Variants in SYNE2 observed in about 807,000 individuals in gnomAD.
The protein encoded by SYNE2 is nesprin-2.
A neutral mutation model predicts 856.3 loss-of-function variants in SYNE2; 431 were observed. The ratio of observed to expected loss-of-function variants is 0.50; its 90% CI spans 0.47 to 0.55. The LOEUF is 0.55. Ranked by LOEUF, SYNE2 falls within the 20% of genes least tolerant of loss-of-function variation. SYNE2 has a pLI of 0.00. For synonymous variants in SYNE2, 2,923 were observed against 2,872.3 expected, an observed-to-expected ratio of 1.02 and a Z score of -0.56; for missense variants, 8,129 against 8,023.2, an observed-to-expected ratio of 1.01 and a Z score of -0.50.
intron 1 of SYNE2, among the ~76,000 whole-genome samples, chr14:63,771,047 A>C (rs1386306837): frequency 6.7e-6 from 1 of 150,148 alleles, no homozygotes; most frequent in Non-Finnish European, 1.5e-5. Context: ...AAATAGAGTC[A>C]CAGAAACCCT....
intron 1 of SYNE2, among the ~76,000 whole-genome samples, chr14:63,799,499 T>C (rs995731538): frequency 1.1e-4 from 16 of 151,130 alleles, no homozygotes; most frequent in Non-Finnish European, 2.2e-4. Context: ...GAGACCATCC[T>C]GGGCAACACA....
intron 1 of SYNE2, among the ~76,000 whole-genome samples, chr14:63,888,393 T>A: frequency 6.6e-6 from 1 of 152,142 alleles, no homozygotes; most frequent in East Asian, 1.9e-4. Context: ...TCTCTCACCA[T>A]GAGCTGGGAT....
Position 64,002,756 on chromosome 14 carries a change from T to C in SYNE2, c.3823T>C (p.Cys1275Arg), listed in dbSNP as rs2096765246. The C allele has an allele frequency of 5.6e-6, 9 of 1,613,450 alleles. No individual in the cohort carries two copies. The highest frequency in any genetic ancestry group is 7.6e-6 in the Non-Finnish European group (9 of 1,179,974). ...QDSIAKQIEICNRLEEPGNFV... is the reference protein window; with the variant it reads ...QDSIAKQIEIRNRLEEPGNFV... ...TTCCATAGCAAAACAGATTGAAATA[T>C]GTAACCGCTTAGAAGAGCCAGGCAA... The change falls in exon 30 of 116, where the codon TGT (cysteine) becomes CGT (arginine). Residue 1275 changes from cysteine (C) to arginine (R), a missense_variant. This residue lies in a region of SYNE2 where 2,422 missense variants were observed against 2,357.4 expected (regional missense o/e 1.03). Coordinates refer to ENST00000555002, the MANE Select transcript of SYNE2 (RefSeq NM_182914.3).
At chr14:63,813,907 T>C (rs1310279212) in intron 1 of SYNE2, among the ~76,000 whole-genome samples, 2 of 151,870 alleles carry the variant, frequency 1.3e-5, no homozygotes, top group Non-Finnish European at 2.9e-5. Flanking sequence ...CAAAAAATAT[T>C]AGCCAGGTGT....
Position 64,210,129 on chromosome 14 carries a change from GCTC to G in SYNE2, c.18723+9_18723+11del, listed in dbSNP as rs2098632354. ...GCCGTCCTGCGGAGACTCAGGGTGA[GCTC>G]CTCTGCACCTGGCTCGGGTGTAGAT... On this transcript the variant is annotated splice_donor_region_variant and intron_variant, in intron 103 of 115. Transcript: ENST00000555002. 1.2e-6 allele frequency: 2 copies of G among 1,612,946 alleles called. No homozygotes were observed. Among genetic ancestry groups the G allele is most frequent in the Non-Finnish European group, 8.5e-7 (1 of 1,179,498 alleles).
intron 11 of SYNE2, among the ~76,000 whole-genome samples, chr14:63,976,039 C>T (rs1239820127): frequency 6.6e-6 from 1 of 152,070 alleles, no homozygotes; most frequent in African/African-American, 2.4e-5. Context: ...TGGTGGGAGG[C>T]TGAAGAAGGA....
intron 1 of SYNE2, among the ~76,000 whole-genome samples, chr14:63,879,910 A>G (rs2094819722): frequency 6.6e-6 from 1 of 152,224 alleles, no homozygotes; most frequent in Non-Finnish European, 1.5e-5. Flanking sequence ...TAGAAATTAA[A>G]TCTCTAAAGT....
chr14:64,145,929 A>G lies in SYNE2; in HGVS notation c.15484-139A>G, dbSNP rs1400792746. On this transcript the variant is annotated intron_variant, in intron 83 of 115. Coordinates refer to ENST00000555002, the MANE Select transcript of SYNE2 (RefSeq NM_182914.3). ...TTTCTGATTTTTGAATCTTTATTCAAAAGTTATCAGAGCATCTTATTACAT... is the reference window on the plus strand; with the variant it reads ...TTTCTGATTTTTGAATCTTTATTCAGAAGTTATCAGAGCATCTTATTACAT... 43 of 557,718 alleles carry G rather than the reference A, an allele frequency of 7.7e-5. No homozygotes were observed. In the East Asian group the frequency reaches 1.5e-3, roughly 20 times the overall value. The allele number at this position is 557,718 out of a possible 1,614,324, so 34.5% of individuals were successfully genotyped here. A position where few individuals can be genotyped will look rare whatever the true frequency, so the allele number is the denominator to read the frequency against.
intron 1 of SYNE2, among the ~76,000 whole-genome samples, chr14:63,892,328 A>G (rs1259551534): frequency 1.3e-5 from 2 of 152,062 alleles, no homozygotes; most frequent in African/African-American, 4.8e-5. Context: ...GCTCAGAAGG[A>G]CTAGTTCAAC....
At chr14:64,141,266 C>G (rs2098137389) in intron 80 of SYNE2, 75 bp from the exon 81 acceptor site, 1 of 1,215,854 alleles carries the variant, frequency 8.2e-7, no homozygotes, top group African/African-American at 1.5e-5. Context: ...TTTGTTGACT[C>G]TAGCCAGTTA....
At chr14:64,054,531 A>C (rs750043624) in intron 48 of SYNE2, among the ~76,000 whole-genome samples, 1 of 152,230 alleles carries the variant, frequency 6.6e-6, no homozygotes, top group Non-Finnish European at 1.5e-5. Context: ...TCACATGCTC[A>C]TGGTCCATGG....
In SYNE2 at chr14:64,168,967, A is replaced by C. The variant is rs2098397144; in HGVS notation, c.16996A>C (p.Asn5666His). Residue 5666 changes from asparagine (N) to histidine (H), a missense_variant, in exon 93 of 116, where the codon AAC becomes CAC. By Grantham distance (68) the Asn-to-His change is moderately conservative. Coordinates refer to ENST00000555002, the MANE Select transcript of SYNE2 (RefSeq NM_182914.3). Reference sequence around the variant, plus strand: ...ACTCCTGGACACAACAGAAATAGAGAACAGGTGAGCTGTCTGGGCCTCATG... The same window carrying C: ...ACTCCTGGACACAACAGAAATAGAGCACAGGTGAGCTGTCTGGGCCTCATG... ...LQLLDTTEIENRPEFITEFSK... is the reference protein window; with the variant it reads ...LQLLDTTEIEHRPEFITEFSK... 1 of 1,612,808 alleles carries C rather than the reference A, an allele frequency of 6.2e-7. No homozygotes were observed. Among genetic ancestry groups the C allele is most frequent in the Non-Finnish European group, 8.5e-7 (1 of 1,178,876 alleles).
At chr14:64,154,732 G>GCAGTAAGGC (rs2098271784) in intron 85 of SYNE2, among the ~76,000 whole-genome samples, 1 of 147,542 alleles carries the variant, frequency 6.8e-6, no homozygotes, top group South Asian at 2.1e-4. Flanking sequence ...GGTGGAAGGA[G>GCAGTAAGGC]CAGTAAGGCA....
intron 1 of SYNE2, among the ~76,000 whole-genome samples, chr14:63,876,819 C>T (rs1329318511): frequency 1.3e-5 from 2 of 152,138 alleles, no homozygotes; most frequent in Non-Finnish European, 2.9e-5. Flanking sequence ...CATTGCTAAT[C>T]GTATCAAATA....
At chr14:64,088,089 A>G (rs1336432231) in intron 58 of SYNE2, among the ~76,000 whole-genome samples, 9 of 152,192 alleles carry the variant, frequency 5.9e-5, no homozygotes, top group Non-Finnish European at 1.0e-4. Flanking sequence ...AGGCTGAGGC[A>G]GGAGAATCGC....
chr14:64,001,940 A>G lies in SYNE2; in HGVS notation c.3645A>G (p.Glu1215=). Residue 1215 remains glutamate, a synonymous_variant, in exon 29 of 116, where the codon GAA becomes GAG. Transcript: ENST00000555002. ...ELQMTLNTRM[E]SLETALRLVL... ...TGATTTACCTTGCACCCAGAATGGA[A>G]TCTTTAGAGACAGCACTGCGGCTTG... 1 of 1,614,052 alleles carries G rather than the reference A, an allele frequency of 6.2e-7. No homozygotes were observed. The highest frequency in any genetic ancestry group is 1.1e-5 in the South Asian group (1 of 91,070).
At chr14:63,849,034 C>T (rs895948949), upstream of SYNE2, among the ~76,000 whole-genome samples, 1 of 152,206 alleles carries the variant, frequency 6.6e-6, no homozygotes, top group African/African-American at 2.4e-5. Context: ...ACATTTATTT[C>T]TGTTAGTTTC....
At chr14:64,064,031 T>G (rs1385001567) in intron 50 of SYNE2, among the ~76,000 whole-genome samples, 1 of 152,238 alleles carries the variant, frequency 6.6e-6, no homozygotes, top group African/African-American at 2.4e-5. Context: ...GTGAATGTGG[T>G]CTCTTTCTCT....
chr14:63,892,729 C>CT (rs11293385), intron 1 of SYNE2, among the ~76,000 whole-genome samples: 2,723 of 130,212 alleles, frequency 0.021, 38 homozygotes, highest in Non-Finnish European at 0.029. Context: ...GGTGTACTTT[C>CT]TTTTTTTTTT....
Sources: allele counts gnomAD v4.1 joint callset (sites outside exome capture counted in the v4.1 genomes callset), GRCh38; gene constraint gnomAD v4.1.1; regional missense constraint gnomAD v4.1.1; transcripts MANE v1.5; gene names NCBI Gene and HGNC (gene_info 2026-07-23, HGNC 2026-07-21).